Variants in TTC39B observed in about 807,000 individuals in gnomAD.
The protein encoded by TTC39B is tetratricopeptide repeat protein 39B.
Under a neutral mutation model 96.6 loss-of-function variants are expected in TTC39B, and 92 were observed. The observed-to-expected ratio is 0.95, with a 90% CI of 0.80 to 1.13. The LOEUF is 1.13. Among genes scored for constraint, TTC39B ranks in the 50% most tolerant of loss-of-function variants. The pLI is 0.00. For missense variants in TTC39B, 955 were observed against 809.3 expected, an observed-to-expected ratio of 1.18 and a Z score of -2.18; for synonymous variants, 367 against 299.4, an observed-to-expected ratio of 1.23 and a Z score of -2.33.
At chr9:15,194,753 A>T (rs1326761914) in intron 8 of TTC39B, among the ~76,000 whole-genome samples, 1 of 152,216 alleles carries the variant, frequency 6.6e-6, no homozygotes, top group African/African-American at 2.4e-5. Context: ...GGGAGATCTT[A>T]AATGTTACTA....
intron 1 of TTC39B, among the ~76,000 whole-genome samples, chr9:15,297,346 C>T (rs376441705): frequency 2.0e-5 from 3 of 152,174 alleles, no homozygotes; most frequent in East Asian, 1.9e-4. Flanking sequence ...TCCTTCGTGT[C>T]GCCTATGAGG....
intron 4 of TTC39B, among the ~76,000 whole-genome samples, chr9:15,213,272 G>C (rs146067958): frequency 1.2e-3 from 184 of 152,270 alleles, no homozygotes; most frequent in African/African-American, 4.3e-3. Flanking sequence ...GACAGGCAAG[G>C]TGGAGATTGT....
intron 1 of TTC39B, among the ~76,000 whole-genome samples, chr9:15,271,808 T>A (rs1230452780): frequency 2.6e-5 from 4 of 152,238 alleles, no homozygotes; most frequent in Non-Finnish European, 5.9e-5. Flanking sequence ...ACTGTTTGGA[T>A]CAATTTACCA....
rs764081958 is a variant in TTC39B, at chr9:15,210,161, G to A, written c.618C>T (p.Tyr206=). 9.5e-6 allele frequency: 15 copies of A among 1,579,040 alleles called. No individual in the cohort carries two copies. The South Asian group carries it at 1.5e-4, about 16-fold the overall frequency. Residue 206 remains tyrosine, a synonymous_variant, in exon 6 of 20, where the codon TAC becomes TAT. Transcript: ENST00000512701. The stretch of plus-strand genomic sequence containing the variant: ...ATTCTACAACTGTGTATTTTTTCCT[G>A]TATCTACATTGAATAAATAAAAAGG...
rs374308241 is a variant in TTC39B at position 15,285,273 on chromosome 9, AG to A, written c.241-17326del. Among the ~76,000 whole-genome samples the A allele has an allele frequency of 4.4e-3, 613 of 139,932 alleles. 5 individuals carry two copies. The highest frequency in any genetic ancestry group is 0.014 in the African/African-American group (575 of 40,110). The allele number at this position is 139,932 out of a possible 152,430, so 91.8% of individuals were successfully genotyped here. A position where few individuals can be genotyped will look rare whatever the true frequency, so the allele number is the denominator to read the frequency against. On this transcript the variant is annotated intron_variant, in intron 1 of 19. Coordinates refer to ENST00000512701, the Ensembl canonical transcript of TTC39B. ...GACAGAGCAAGACTCCGTCTCAAAA[AG>A]AAAAAAAAAAAAAAGATCCTTTCAT...
At chr9:15,263,677 C>T (rs1823021534) in intron 2 of TTC39B, among the ~76,000 whole-genome samples, 1 of 152,170 alleles carries the variant, frequency 6.6e-6, no homozygotes, top group Non-Finnish European at 1.5e-5. Flanking sequence ...TTATTAAAAT[C>T]AGATCAAAAT....
intron 1 of TTC39B, among the ~76,000 whole-genome samples, chr9:15,271,285 C>T (rs542042440): frequency 1.3e-5 from 2 of 152,292 alleles, no homozygotes; most frequent in Admixed American, 6.5e-5. Context: ...TTGGAGTCCG[C>T]ACACTGTGAA....
chr9:15,264,654 T>TAAAA (rs546870324), intron 2 of TTC39B, among the ~76,000 whole-genome samples: 79 of 118,068 alleles, frequency 6.7e-4, no homozygotes, highest in Middle Eastern at 4.4e-3. Context: ...GACTCTGTCT[T>TAAAA]AAAAAAAAAA....
chr9:15,181,485 G>A (rs575638025), intron 17 of TTC39B, among the ~76,000 whole-genome samples: 10 of 152,136 alleles, frequency 6.6e-5, no homozygotes, highest in Non-Finnish European at 1.0e-4. Flanking sequence ...CCCACTTCAC[G>A]AGAAAACAGA....
intron 1 of TTC39B, among the ~76,000 whole-genome samples, chr9:15,293,307 C>G (rs1219514854): frequency 6.6e-6 from 1 of 152,132 alleles, no homozygotes; most frequent in Non-Finnish European, 1.5e-5. Flanking sequence ...ATGACATTGC[C>G]TCATAACACA....
At chr9:15,215,528 GC>G (rs1205628029) in intron 3 of TTC39B, among the ~76,000 whole-genome samples, 1 of 152,054 alleles carries the variant, frequency 6.6e-6, no homozygotes, top group Non-Finnish European at 1.5e-5. Flanking sequence ...CTGTACTCCA[GC>G]CTGGGCGACA....
chr9:15,222,113 T>C (rs1820876444), intron 3 of TTC39B, among the ~76,000 whole-genome samples: 1 of 152,172 alleles, frequency 6.6e-6, no homozygotes, highest in Admixed American at 6.5e-5. Context: ...AGTCAAGGGT[T>C]TCTTTTGTCG....
chr9:15,203,637 G>A (rs1819673572), intron 7 of TTC39B, among the ~76,000 whole-genome samples, 186 bp downstream of exon 7: 1 of 152,198 alleles, frequency 6.6e-6, no homozygotes, highest in Non-Finnish European at 1.5e-5. Flanking sequence ...ATTCTTAAGT[G>A]CAGTAGAGGA....
intron 3 of TTC39B, among the ~76,000 whole-genome samples, chr9:15,218,496 A>C (rs1564358808): frequency 6.6e-6 from 1 of 152,164 alleles, no homozygotes; most frequent in African/African-American, 2.4e-5. Flanking sequence ...CTCAGCCCAC[A>C]TATTCATATT....
At chr9:15,177,224 T>A (rs770490036) in intron 18 of TTC39B, among the ~76,000 whole-genome samples, 3 of 152,058 alleles carry the variant, frequency 2.0e-5, no homozygotes, top group Non-Finnish European at 4.4e-5. Context: ...TCCCAGCTAC[T>A]CAAGAGGCTA....
At chr9:15,171,280 A>G (rs2118380206) in exon 20 of TTC39B, 1 of 152,286 alleles carries the variant, frequency 6.6e-6, no homozygotes, top group African/African-American at 2.4e-5. Context: ...TTAGGCTCTC[A>G]TTGCTAAGGT....
Position 15,197,171 on chromosome 9 carries a change from T to C in TTC39B, c.824+2690A>G, listed in dbSNP as rs111822249. On this transcript the variant is annotated intron_variant, in intron 8 of 19. Transcript: ENST00000512701. ...GTTTGTGTGACTCACTTTATTGCAA[T>C]AGTCACTTTATTGTAGTGGCCTGGA... 6.4e-3 allele frequency among the ~76,000 whole-genome samples: 977 copies of C among 152,330 alleles called. 18 individuals carry two copies. The highest frequency in any genetic ancestry group is 0.022 in the African/African-American group (908 of 41,592).
intron 1 of TTC39B, among the ~76,000 whole-genome samples, chr9:15,300,891 CAAAAAAA>C (rs71491658): frequency 3.7e-5 from 3 of 81,192 alleles, no homozygotes; most frequent in Non-Finnish European, 4.9e-5. Context: ...AACTCCGTCT[CAAAAAAA>C]AAAAAAAAAA....
chr9:15,261,248 G>C (rs376972973), intron 2 of TTC39B, among the ~76,000 whole-genome samples: 1 of 152,158 alleles, frequency 6.6e-6, no homozygotes. Flanking sequence ...GGAGGCAAAG[G>C]TGGGAGGATC....
Sources: gnomAD v4.1 joint callset for allele counts (sites outside exome capture counted in the v4.1 genomes callset) on GRCh38, gnomAD v4.1.1 for gene constraint, MANE v1.5 for transcripts, NCBI Gene and HGNC (gene_info 2026-07-23, HGNC 2026-07-21) for gene names.